Variants in HEATR4 observed in about 807,000 individuals in gnomAD.
The protein encoded by HEATR4 is HEAT repeat containing 4, also known as HEAT repeat-containing protein 4.
Under a neutral mutation model 108.8 loss-of-function variants are expected in HEATR4, and 95 were observed. The observed-to-expected ratio is 0.87, with a 90% CI of 0.74 to 1.04. The LOEUF is 1.04. HEATR4 is among the 50% of genes least tolerant of loss of function. The probability of loss-of-function intolerance (pLI) is 0.00; values close to 1 mark genes in which losing one functional copy is unlikely to be tolerated. For missense variants in HEATR4, 1,152 were observed against 1,253.8 expected (o/e 0.92, Z 1.23); for synonymous variants, 443 against 459.4 (o/e 0.96, Z 0.46).
chr14:73,491,248 C>A, intron 17 of HEATR4: 1 of 1,583,116 alleles, frequency 6.3e-7, no homozygotes, highest in East Asian at 2.3e-5. Flanking sequence ...ACCTGGGGGA[C>A]GCGCTACCCG....
the HEATR4 span, among the ~76,000 whole-genome samples, chr14:73,624,192 G>A: frequency 2.0e-5 from 3 of 151,876 alleles, no homozygotes; most frequent in Non-Finnish European, 2.9e-5. Flanking sequence ...GTGCAATCTC[G>A]GCTCACTGCA....
chr14:73,595,784 C>A, the HEATR4 span: 1 of 1,177,266 alleles, frequency 8.5e-7, no homozygotes, highest in Non-Finnish European at 1.1e-6. Flanking sequence ...TTTTACGTAA[C>A]TTTGTTGAAT....
At chr14:73,499,735 T>A (rs1307072827) in intron 12 of HEATR4, among the ~76,000 whole-genome samples, 1 of 152,190 alleles carries the variant, frequency 6.6e-6, no homozygotes, top group Non-Finnish European at 1.5e-5. Context: ...AATGGAATTA[T>A]AACTCCATTT....
At chr14:73,602,917 T>C in the HEATR4 span, among the ~76,000 whole-genome samples, 37 of 152,180 alleles carry the variant, frequency 2.4e-4, no homozygotes, top group African/African-American at 8.9e-4. Context: ...TGAAATTTGA[T>C]TTTGGGAAGC....
chr14:73,575,520 T>A, the HEATR4 span: 5,522 of 1,504,172 alleles, frequency 3.7e-3, 176 homozygotes, highest in African/African-American at 0.069. Flanking sequence ...GTAAATTTTA[T>A]TTGATCATGT....
At position 73,499,076 on chromosome 14, in the gene HEATR4, A is replaced by G. The variant is rs1296113914; in HGVS notation, c.2351T>C (p.Ile784Thr). ...GGGCACTACTTCTATAATACCTCGA[A>G]TGGCAAAGGCCTTGATTTTCCAGTA... ...DPYWKIKAFA[I>T]RALGQIGQVS... The change falls in exon 13 of 18, where the codon ATT (isoleucine) becomes ACT (threonine). Residue 784 changes from isoleucine to threonine, a missense_variant. Ile to Thr is a moderately conservative substitution (Grantham distance 89). Transcript: ENST00000553558. 6.2e-7 allele frequency: 1 copy of G among 1,613,982 alleles called. No individual in the cohort carries two copies. The highest frequency in any genetic ancestry group is 1.3e-5 in the African/African-American group (1 of 75,054).
chr14:73,497,808 T>C (rs140348645), intron 14 of HEATR4, among the ~76,000 whole-genome samples: 2 of 152,194 alleles, frequency 1.3e-5, no homozygotes, highest in East Asian at 3.9e-4. Flanking sequence ...GTATTTTTAG[T>C]AGAGACAGGG....
the HEATR4 span, among the ~76,000 whole-genome samples, chr14:73,565,954 C>T: frequency 2.9e-3 from 437 of 152,016 alleles, 7 homozygotes; most frequent in South Asian, 5.0e-3. Context: ...ATTGGTAGAG[C>T]CCAGGGGTCT....
intron 17 of HEATR4, chr14:73,491,363 C>A: frequency 1.5e-6 from 2 of 1,376,272 alleles, no homozygotes; most frequent in Middle Eastern, 2.5e-4. Flanking sequence ...GCGCTCCCTG[C>A]AGACCCCGTC....
chr14:73,522,930 G>C lies in HEATR4; in HGVS notation c.223C>G (p.Gln75Glu). The C allele has an allele frequency of 6.2e-7, 1 of 1,614,202 alleles. No homozygotes were observed. The stretch of plus-strand genomic sequence containing the variant: ...AGGCCTCGCTGCCACACCACCTCCT[G>C]AGAGAAGGTAAGGTTTGCAGCAGCC... ...KMAAANLTFS[Q>E]EVVWQRGLPS... is the part of the protein sequence containing the mutation. Residue 75 changes from glutamine (Q) to glutamate (E), a missense_variant, in exon 3 of 18, where the codon CAG becomes GAG. Coordinates refer to ENST00000553558, the MANE Select transcript of HEATR4 (RefSeq NM_001220484.1).
At chr14:73,520,671 ATTAG>A (rs921214013) in intron 4 of HEATR4, 177 bp downstream of exon 4, 2 of 579,746 alleles carry the variant, frequency 3.4e-6, no homozygotes, top group Admixed American at 3.0e-5. Context: ...TTCCCTCCCT[ATTAG>A]TTATCACTCC....
chr14:73,567,380 A>C, the HEATR4 span, among the ~76,000 whole-genome samples: 3 of 152,098 alleles, frequency 2.0e-5, no homozygotes, highest in Non-Finnish European at 4.4e-5. Flanking sequence ...GGGGACTTGG[A>C]GAACTTTTTT....
chr14:73,513,141 C>G (rs1887366360), intron 6 of HEATR4, among the ~76,000 whole-genome samples: 1 of 152,184 alleles, frequency 6.6e-6, no homozygotes, highest in Non-Finnish European at 1.5e-5. Context: ...ACATCATTTG[C>G]TGAGCATAAA....
chr14:73,482,665 T>C lies in HEATR4; in HGVS notation c.2845-3823A>G, dbSNP rs79723143. Among the ~76,000 whole-genome samples, 219 of 152,342 alleles carry C rather than the reference T, an allele frequency of 1.4e-3. 1 individual carries two copies. Among genetic ancestry groups the C allele is most frequent in the African/African-American group, 4.9e-3 (204 of 41,594 alleles). On this transcript the variant is annotated intron_variant, in intron 17 of 17. Transcript: ENST00000553558. ...AACTTTACAGCAAGAAGAGTGAACC[T>C]TATTTTTTGAGACAGAGTTTCACTC...
At chr14:73,478,990 G>T in intron 17 of HEATR4, 148 bp from the exon 18 acceptor site, 1 of 545,108 alleles carries the variant, frequency 1.8e-6, no homozygotes, top group Non-Finnish European at 3.2e-6. Context: ...CCAGGCTGGA[G>T]TTCAGTGGCG....
chr14:73,583,419 A>G, the HEATR4 span, among the ~76,000 whole-genome samples: 771 of 151,740 alleles, frequency 5.1e-3, 10 homozygotes, highest in African/African-American at 0.018. Flanking sequence ...ACCAATCAAT[A>G]AGCCCAATTT....
upstream of HEATR4, chr14:73,559,003 C>T (rs1889456487): frequency 6.6e-6 from 1 of 151,946 alleles, no homozygotes; most frequent in Admixed American, 6.6e-5. Context: ...CATGAGTCTA[C>T]TCAGAGAACT....
Position 73,557,263 on chromosome 14 carries a change from C to T in HEATR4, c.-152+1488G>A, listed in dbSNP as rs1268676319. On this transcript the variant is annotated intron_variant, in intron 1 of 17. Coordinates refer to ENST00000553558, the MANE Select transcript of HEATR4 (RefSeq NM_001220484.1). ...AAACCTGATGAACTTCCTAGATCCC[C>T]AGCTGGAAAACGTAGGAGTTGGACT... 7.0e-5 allele frequency among the ~76,000 whole-genome samples: 8 copies of T among 114,126 alleles called. 2 individuals are homozygous for T. Among genetic ancestry groups the T allele is most frequent in the African/African-American group, 2.3e-4 (8 of 35,312 alleles). 74.9% of individuals were successfully genotyped at this position (114,126 alleles called of 152,430 possible).
the HEATR4 span, chr14:73,616,888 C>A: frequency 3.5e-6 from 2 of 573,338 alleles, no homozygotes; most frequent in Non-Finnish European, 6.2e-6. Flanking sequence ...TTTGTTCTTT[C>A]TCTGCCAATC....
Sources: gnomAD v4.1 joint callset for allele counts (sites outside exome capture counted in the v4.1 genomes callset) on GRCh38, gnomAD v4.1.1 for gene constraint, MANE v1.5 for transcripts, NCBI Gene and HGNC (gene_info 2026-07-23, HGNC 2026-07-21) for gene names.